The following PDZRN4 variants were observed in gnomAD, a reference collection of about 807,000 sequenced individuals.
The protein encoded by PDZRN4 is PDZ domain containing ring finger 4.
PDZRN4 carries 70 observed loss-of-function variants against 99.0 expected under a neutral mutation model. The ratio of observed to expected loss-of-function variants is 0.71; its 90% CI spans 0.58 to 0.86. PDZRN4 has a LOEUF of 0.86. Among genes scored for constraint, PDZRN4 ranks in the 40% least tolerant of loss-of-function variants. PDZRN4 has a pLI of 0.00. For missense variants in PDZRN4, 1,474 were observed against 1,331.2 expected (o/e 1.11, Z -1.67); for synonymous variants, 551 against 501.6 (o/e 1.10, Z -1.32).
Position 41,189,092 on chromosome 12 carries a change from G to T in PDZRN4, c.637G>T (p.Gly213Cys). Residue 213 changes from glycine to cysteine, a missense_variant, in exon 1 of 10, where the codon GGC (glycine) becomes TGC (cysteine). By Grantham distance (159) the Gly-to-Cys change is radical (BLOSUM62 -3). Transcript: ENST00000402685. ...VRNFVGDLGG[G>C]HRRDGEHKPF... ...CAACTTCGTCGGCGACCTCGGTGGC[G>T]GCCACCGCAGGGTAAGCAAAGGGGG... 6.3e-7 allele frequency: 1 copy of T among 1,580,862 alleles called. No individual in the cohort carries two copies. The highest frequency in any genetic ancestry group is 1.7e-4 in the Middle Eastern group (1 of 6,048).
intron 3 of PDZRN4, among the ~76,000 whole-genome samples, chr12:41,359,271 T>C (rs147193235): frequency 6.6e-6 from 1 of 152,152 alleles, no homozygotes; most frequent in Non-Finnish European, 1.5e-5. Flanking sequence ...TAGAAATCTC[T>C]TCAATAGCTA....
At chr12:41,502,879 TA>T (rs2120664029) in intron 3 of PDZRN4, among the ~76,000 whole-genome samples, 1 of 152,232 alleles carries the variant, frequency 6.6e-6, no homozygotes, top group African/African-American at 2.4e-5. Context: ...GTTATTGGTT[TA>T]AAAACTAATC....
intron 7 of PDZRN4, among the ~76,000 whole-genome samples, chr12:41,556,612 T>C (rs948388463): frequency 6.6e-6 from 1 of 152,246 alleles, no homozygotes; most frequent in Non-Finnish European, 1.5e-5. Context: ...TGTAGTGCAC[T>C]ACTGTATTTA....
At chr12:41,466,302 A>G (rs937727332) in intron 3 of PDZRN4, among the ~76,000 whole-genome samples, 4 of 152,188 alleles carry the variant, frequency 2.6e-5, no homozygotes, top group African/African-American at 9.7e-5. Context: ...ATATTAAGGC[A>G]ATTTCTACAC....
At chr12:41,191,754 T>C in intron 2 of PDZRN4, among the ~76,000 whole-genome samples, 1 of 61,964 alleles carries the variant, frequency 1.6e-5, no homozygotes, top group Non-Finnish European at 3.4e-5. Flanking sequence ...TTTTATTTAT[T>C]TATTTATTTA....
At chr12:41,449,695 A>G (rs965184370) in intron 3 of PDZRN4, among the ~76,000 whole-genome samples, 1 of 152,222 alleles carries the variant, frequency 6.6e-6, no homozygotes, top group Non-Finnish European at 1.5e-5. Flanking sequence ...AAAAGTAAAA[A>G]TTAAAATAAG....
chr12:41,543,617 G>A (rs564275039), intron 5 of PDZRN4, among the ~76,000 whole-genome samples: 2 of 152,214 alleles, frequency 1.3e-5, no homozygotes, highest in African/African-American at 2.4e-5. Context: ...TCAAATAGTG[G>A]CACTAAATTT....
At chr12:41,401,962 G>T (rs545514727) in intron 3 of PDZRN4, among the ~76,000 whole-genome samples, 2 of 150,422 alleles carry the variant, frequency 1.3e-5, no homozygotes, top group African/African-American at 4.9e-5. Flanking sequence ...CTCTCTTCAT[G>T]TAAAAGATTC....
chr12:41,519,219 T>G (rs1162413345), intron 5 of PDZRN4, among the ~76,000 whole-genome samples: 1 of 152,080 alleles, frequency 6.6e-6, no homozygotes, highest in Admixed American at 6.6e-5. Context: ...CCAAATCTGC[T>G]TGTTCTTCTA....
At chr12:41,413,364 A>G (rs1952414333) in intron 3 of PDZRN4, among the ~76,000 whole-genome samples, 1 of 152,168 alleles carries the variant, frequency 6.6e-6, no homozygotes, top group Non-Finnish European at 1.5e-5. Flanking sequence ...GAGGCTGGGA[A>G]GGACAGGGAG....
chr12:41,286,154 T>A (rs1409901474), intron 3 of PDZRN4, among the ~76,000 whole-genome samples: 1 of 152,080 alleles, frequency 6.6e-6, no homozygotes, highest in African/African-American at 2.4e-5. Context: ...AAGGAGACTA[T>A]TCTGCCTAAA....
intron 3 of PDZRN4, among the ~76,000 whole-genome samples, chr12:41,416,210 T>C (rs1952444141): frequency 6.6e-6 from 1 of 152,218 alleles, no homozygotes; most frequent in South Asian, 2.1e-4. Flanking sequence ...TCTGTAGACA[T>C]ACATCCACTG....
chr12:41,267,382 G>A (rs1951285060), intron 3 of PDZRN4, among the ~76,000 whole-genome samples: 1 of 152,014 alleles, frequency 6.6e-6, no homozygotes, highest in Non-Finnish European at 1.5e-5. Flanking sequence ...TAACCTGAAT[G>A]CCATTCCTAT....
At chr12:41,312,426 T>G (rs1182305257) in intron 3 of PDZRN4, among the ~76,000 whole-genome samples, 2 of 152,184 alleles carry the variant, frequency 1.3e-5, no homozygotes, top group African/African-American at 4.8e-5. Context: ...TTTGCCTATC[T>G]GTACATACTC....
At chr12:41,512,804 C>T (rs930009185) in intron 5 of PDZRN4, among the ~76,000 whole-genome samples, 3 of 152,046 alleles carry the variant, frequency 2.0e-5, no homozygotes, top group African/African-American at 7.2e-5. Context: ...CCACCCCAGC[C>T]TGGAGGGCTG....
intron 3 of PDZRN4, among the ~76,000 whole-genome samples, chr12:41,388,853 T>C (rs1320763949): frequency 6.6e-6 from 1 of 152,184 alleles, no homozygotes; most frequent in African/African-American, 2.4e-5. Flanking sequence ...TTTTGTGTAT[T>C]CATCTTATTT....
intron 3 of PDZRN4, among the ~76,000 whole-genome samples, chr12:41,446,448 T>G (rs1952729543): frequency 6.6e-6 from 1 of 151,912 alleles, no homozygotes. Context: ...AAATAATAAA[T>G]CTGCAGATGA....
intron 3 of PDZRN4, among the ~76,000 whole-genome samples, chr12:41,315,730 T>C (rs1951634011): frequency 6.6e-6 from 1 of 152,210 alleles, no homozygotes; most frequent in South Asian, 2.1e-4. Context: ...GTATAAGTAC[T>C]ATGTAGGTAA....
chr12:41,248,205 A>G (rs1269819779), intron 3 of PDZRN4, among the ~76,000 whole-genome samples: 1 of 152,244 alleles, frequency 6.6e-6, no homozygotes, highest in Non-Finnish European at 1.5e-5. Context: ...GATATGCCTC[A>G]GCTGGCATGT....
Sources: gnomAD v4.1 joint callset for allele counts (sites outside exome capture counted in the v4.1 genomes callset) on GRCh38, gnomAD v4.1.1 for gene constraint, MANE v1.5 for transcripts, NCBI Gene and HGNC (gene_info 2026-07-23, HGNC 2026-07-21) for gene names.